Variants in AGBL1 observed in about 807,000 individuals in gnomAD.
AGBL1 encodes the protein cytosolic carboxypeptidase 4.
A neutral mutation model predicts 118.9 loss-of-function variants in AGBL1; 130 were observed. The observed-to-expected ratio is 1.09, with a 90% CI of 0.95 to 1.26. AGBL1 has a LOEUF of 1.26. AGBL1 is among the 50% of genes most tolerant of loss of function. AGBL1 has a pLI of 0.00. For synonymous variants in AGBL1, 555 were observed against 478.9 expected (o/e 1.16, Z -2.08); for missense variants, 1,584 against 1,298.1 (o/e 1.22, Z -3.38).
At position 86,365,016 on chromosome 15, in the gene AGBL1, C is replaced by CACACAT. The variant is rs1183004112; in HGVS notation, c.2375-32349_2375-32348insCACATA. Among the ~76,000 whole-genome samples the CACACAT allele has an allele frequency of 1.4e-3, 167 of 121,954 alleles. 2 individuals are homozygous for CACACAT. Among genetic ancestry groups the CACACAT allele is most frequent in the African/African-American group, 5.0e-3 (160 of 31,762 alleles). 80.0% of individuals were successfully genotyped at this position (121,954 alleles called of 152,430 possible). ...ACACACACATATATATATACACACA[C>CACACAT]ATATATATATACACACACATATATA... On this transcript the variant is annotated intron_variant, in intron 17 of 22. Transcript: ENST00000614907.
downstream of AGBL1, among the ~76,000 whole-genome samples, chr15:87,029,696 A>T (rs2081767143): frequency 6.6e-6 from 1 of 151,868 alleles, no homozygotes; most frequent in African/African-American, 2.4e-5. Context: ...AAGAATTTTA[A>T]TGTTTTTCTA....
intron 17 of AGBL1, among the ~76,000 whole-genome samples, chr15:86,379,066 C>T (rs898225700): frequency 2.0e-5 from 3 of 152,036 alleles, no homozygotes; most frequent in African/African-American, 4.8e-5. Flanking sequence ...GCACCCACAA[C>T]CATGCACAGC....
intron 5 of AGBL1, among the ~76,000 whole-genome samples, chr15:86,176,731 G>T (rs1395953885): frequency 6.6e-6 from 1 of 152,156 alleles, no homozygotes; most frequent in Non-Finnish European, 1.5e-5. Context: ...GCTTGGGTCT[G>T]GGGAGTGTGT....
At chr15:86,966,858 G>A (rs2081059422) in intron 23 of AGBL1, among the ~76,000 whole-genome samples, 1 of 152,068 alleles carries the variant, frequency 6.6e-6, no homozygotes, top group Non-Finnish European at 1.5e-5. Flanking sequence ...GGATTGCTGG[G>A]CCAAATGGTA....
chr15:86,489,526 G>A (rs560653739), intron 18 of AGBL1, among the ~76,000 whole-genome samples: 2 of 152,200 alleles, frequency 1.3e-5, no homozygotes, highest in East Asian at 1.9e-4. Flanking sequence ...AGGAGCAATG[G>A]CATAGATGAT....
At chr15:86,605,754 A>AGT (rs149123980) in intron 21 of AGBL1, among the ~76,000 whole-genome samples, 72,663 of 150,802 alleles carry the variant, frequency 0.48, 17,486 homozygotes, top group East Asian at 0.6. Flanking sequence ...GCTGTATGTG[A>AGT]GTGTGTGTGT....
At chr15:86,925,126 G>GA in intron 23 of AGBL1, among the ~76,000 whole-genome samples, 2 of 44,496 alleles carry the variant, frequency 4.5e-5, no homozygotes, top group African/African-American at 6.4e-5. Flanking sequence ...AGAAGAAGAA[G>GA]AGGAAGAGGA....
chr15:86,265,115 C>G (rs10520619), intron 11 of AGBL1, among the ~76,000 whole-genome samples: 5,862 of 152,294 alleles, frequency 0.038, 357 homozygotes, highest in African/African-American at 0.13. Context: ...TTGCAAACCA[C>G]TATCACAAAG....
At chr15:86,833,714 A>G (rs2079136474) in intron 22 of AGBL1, among the ~76,000 whole-genome samples, 1 of 152,164 alleles carries the variant, frequency 6.6e-6, no homozygotes, top group Non-Finnish European at 1.5e-5. Context: ...ATCTCAGAAC[A>G]ACATCACGAA....
intron 5 of AGBL1, among the ~76,000 whole-genome samples, chr15:86,200,550 ACC>A (rs60352336): frequency 0.11 from 7,945 of 72,196 alleles, 383 homozygotes; most frequent in South Asian, 0.31. Flanking sequence ...ATAGACCCCT[ACC>A]CCCCCCCCCC....
In AGBL1 at chr15:86,615,369, G is replaced by C. The variant is rs2084706878; in HGVS notation, c.2995-58904G>C. Among the ~76,000 whole-genome samples, 1 of 152,220 alleles carries C rather than the reference G, an allele frequency of 6.6e-6. No individual in the cohort carries two copies. Among genetic ancestry groups the C allele is most frequent in the African/African-American group, 2.4e-5 (1 of 41,464 alleles). On this transcript the variant is annotated intron_variant, in intron 21 of 22. Coordinates refer to ENST00000614907, the MANE Select transcript of AGBL1 (RefSeq NM_001386094.1). This position sits in a 1 kb window ranked among gnomAD's most constrained non-coding sequence, Gnocchi z 4.3. ...GAACACATCTGAGAGCTCTTCAGGA[G>C]TAGGTTTGATGCAGGTGGTGTCCAG...
At chr15:86,968,464 G>A (rs2081075826) in intron 23 of AGBL1, among the ~76,000 whole-genome samples, 1 of 151,906 alleles carries the variant, frequency 6.6e-6, no homozygotes, top group Admixed American at 6.6e-5. Flanking sequence ...GCAATGGATA[G>A]AAATGGCCAG....
At chr15:86,217,591 G>T (rs1486689787) in intron 5 of AGBL1, among the ~76,000 whole-genome samples, 2 of 152,172 alleles carry the variant, frequency 1.3e-5, no homozygotes, top group Admixed American at 6.5e-5. Flanking sequence ...CTTTCTACAG[G>T]AAATGACACC....
chr15:86,788,911 G>A (rs190288464), intron 22 of AGBL1, among the ~76,000 whole-genome samples: 258 of 152,296 alleles, frequency 1.7e-3, no homozygotes, highest in Non-Finnish European at 2.8e-3. Flanking sequence ...GCATAAGATT[G>A]GGGTTCACAG....
At chr15:86,184,616 T>C (rs1006196622) in intron 5 of AGBL1, among the ~76,000 whole-genome samples, 4 of 152,126 alleles carry the variant, frequency 2.6e-5, no homozygotes, top group East Asian at 3.9e-4. Flanking sequence ...AAATCAAACG[T>C]AGATTTGGTC....
chr15:86,808,169 C>A (rs900836344), intron 22 of AGBL1, among the ~76,000 whole-genome samples: 34 of 152,106 alleles, frequency 2.2e-4, no homozygotes, highest in African/African-American at 8.2e-4. Flanking sequence ...TACAGAATGA[C>A]CTTTCTGAGA....
chr15:86,994,629 TC>T (rs1306158462), intron 24 of AGBL1, among the ~76,000 whole-genome samples: 6 of 152,168 alleles, frequency 3.9e-5, no homozygotes, highest in African/African-American at 1.4e-4. Context: ...TGCTTCTTTA[TC>T]ATAAAAGAGC....
chr15:86,330,343 A>G (rs1391768508), intron 17 of AGBL1, among the ~76,000 whole-genome samples: 1 of 152,212 alleles, frequency 6.6e-6, no homozygotes, highest in East Asian at 1.9e-4. Context: ...GATGTGCATA[A>G]TAGGGCTATT....
chr15:86,413,910 G>A (rs115993000), intron 18 of AGBL1, among the ~76,000 whole-genome samples: 1 of 152,168 alleles, frequency 6.6e-6, no homozygotes, highest in African/African-American at 2.4e-5. Context: ...TAGCAAAGAT[G>A]TGGAATCAAC....
Sources: allele counts gnomAD v4.1 joint callset (sites outside exome capture counted in the v4.1 genomes callset), GRCh38; gene constraint gnomAD v4.1.1; non-coding constraint Gnocchi (gnomAD v3.1); transcripts MANE v1.5; gene names NCBI Gene and HGNC (gene_info 2026-07-23, HGNC 2026-07-21).